The following CPVL variants were observed in gnomAD, a reference collection of about 807,000 sequenced individuals.
CPVL encodes carboxypeptidase vitellogenic like.
CPVL carries 51 observed loss-of-function variants against 63.7 expected under a neutral mutation model. The observed-to-expected ratio is 0.80, with a 90% CI of 0.64 to 1.01. The LOEUF (loss-of-function observed/expected upper bound fraction) is 1.01. Among genes scored for constraint, CPVL ranks in the 50% least tolerant of loss-of-function variants. The pLI, the probability that CPVL is intolerant of heterozygous loss-of-function variation, is 0.00. For synonymous variants in CPVL, 195 were observed against 206.0 expected, an observed-to-expected ratio of 0.95 and a Z score of 0.46; for missense variants, 530 against 573.1, an observed-to-expected ratio of 0.92 and a Z score of 0.77.
At chr7:29,182,324 G>A (rs1257044516) in intron 4 of CPVL, among the ~76,000 whole-genome samples, 1 of 152,172 alleles carries the variant, frequency 6.6e-6, no homozygotes. Flanking sequence ...ATCTGATAGT[G>A]TTCCACCTAC....
intron 12 of CPVL, among the ~76,000 whole-genome samples, chr7:28,999,709 C>A (rs1310799294): frequency 1.3e-5 from 2 of 152,142 alleles, no homozygotes; most frequent in South Asian, 4.1e-4. Context: ...TGTGTAATGA[C>A]CCTAATGGCA....
At position 29,072,819 on chromosome 7, in the gene CPVL, A is replaced by G. The variant is rs548923563; in HGVS notation, c.610-396T>C. Reference sequence around the variant, plus strand: ...TAAAATTAAGATTTCAAAATCTGATAATGCTGCAAATTTTGAAATCAACAT... The same window carrying G: ...TAAAATTAAGATTTCAAAATCTGATGATGCTGCAAATTTTGAAATCAACAT... On this transcript the variant is annotated intron_variant, in intron 7 of 12. Coordinates refer to ENST00000265394, the MANE Select transcript of CPVL (RefSeq NM_031311.5). Among the ~76,000 whole-genome samples the G allele has an allele frequency of 3.9e-5, 6 of 152,352 alleles. No homozygotes were observed. The East Asian group carries it at 7.7e-4, about 20-fold the overall frequency.
chr7:29,058,699 A>G (rs914449307), intron 11 of CPVL, among the ~76,000 whole-genome samples: 1 of 152,090 alleles, frequency 6.6e-6, no homozygotes, highest in African/African-American at 2.4e-5. Context: ...TTCTCTCAAC[A>G]CTTTAAATAT....
chr7:29,165,465 T>G (rs1002349241), intron 5 of CPVL, among the ~76,000 whole-genome samples: 3 of 152,232 alleles, frequency 2.0e-5, no homozygotes, highest in Non-Finnish European at 4.4e-5. Flanking sequence ...CTATACTGGT[T>G]CAAAGAATTT....
At chr7:29,149,000 C>T (rs914774465), upstream of CPVL, among the ~76,000 whole-genome samples, 2 of 152,058 alleles carry the variant, frequency 1.3e-5, no homozygotes, top group African/African-American at 4.8e-5. Context: ...GAGCAGGCCA[C>T]CTGCACTCAG....
At position 29,114,352 on chromosome 7, in the gene CPVL, A is replaced by G. The variant is rs1253929514; in HGVS notation, c.170-1530T>C. Among the ~76,000 whole-genome samples, 4 of 152,298 alleles carry G rather than the reference A, an allele frequency of 2.6e-5. No homozygotes were observed. The East Asian group carries it at 7.7e-4, about 29-fold the overall frequency. ...AGAGAGGTTAAGTGACTTGCCAGCT[A>G]GTAGAGGAGAGCTGGGATTAAACAC... On this transcript the variant is annotated intron_variant, in intron 2 of 12. Coordinates refer to ENST00000265394, the MANE Select transcript of CPVL (RefSeq NM_031311.5).
chr7:29,110,674 A>G (rs532087837), intron 3 of CPVL, among the ~76,000 whole-genome samples: 1 of 152,354 alleles, frequency 6.6e-6, no homozygotes, highest in South Asian at 2.1e-4. Context: ...ATAACTCCCT[A>G]AAGATGTTAG....
intron 5 of CPVL, among the ~76,000 whole-genome samples, chr7:29,164,891 T>G (rs969201797): frequency 6.6e-6 from 1 of 152,150 alleles, no homozygotes. Flanking sequence ...TCTAGAGTGT[T>G]CCATTGATCT....
chr7:29,069,223 T>C (rs1348820837), intron 9 of CPVL, among the ~76,000 whole-genome samples: 1 of 151,158 alleles, frequency 6.6e-6, no homozygotes, highest in Non-Finnish European at 1.5e-5. Flanking sequence ...GCGGATCACT[T>C]GAGGTCCGGA....
At chr7:29,047,411 T>C (rs776147669) in intron 11 of CPVL, among the ~76,000 whole-genome samples, 5 of 152,100 alleles carry the variant, frequency 3.3e-5, no homozygotes, top group Admixed American at 6.5e-5. Flanking sequence ...GTCTCAGCAA[T>C]AGAACTGAAC....
chr7:29,075,519 T>TAAAAAAAAAAAAAAAAAAAAAAAA lies in CPVL; in HGVS notation c.610-3097_610-3096insTTTTTTTTTTTTTTTTTTTTTTTT, dbSNP rs10658501. Among the ~76,000 whole-genome samples the TAAAAAAAAAAAAAAAAAAAAAAAA allele has an allele frequency of 7.8e-5, 10 of 128,978 alleles. 5 individuals carry two copies. Among genetic ancestry groups the TAAAAAAAAAAAAAAAAAAAAAAAA allele is most frequent in the Non-Finnish European group, 6.4e-5 (4 of 62,296 alleles). The allele number at this position is 128,978 out of a possible 152,430, so 84.6% of individuals were successfully genotyped here. A position where few individuals can be genotyped will look rare whatever the true frequency, so the allele number is the denominator to read the frequency against. On this transcript the variant is annotated intron_variant, in intron 7 of 12. Transcript: ENST00000265394. ...TCTTTTCTATTGAGAAGATACTTCT[T>TAAAAAAAAAAAAAAAAAAAAAAAA]AAAAAAAAAAAAAAAAAAGCCATCA... is the stretch of plus-strand genomic sequence containing the variant.
intron 11 of CPVL, among the ~76,000 whole-genome samples, chr7:29,040,230 G>A (rs548925348): frequency 2.0e-5 from 3 of 152,242 alleles, no homozygotes; most frequent in African/African-American, 7.2e-5. Context: ...TTGGACTGAA[G>A]CAATTAGCAT....
chr7:29,157,680 C>T (rs1794597857), intron 5 of CPVL, among the ~76,000 whole-genome samples: 1 of 152,180 alleles, frequency 6.6e-6, no homozygotes, highest in Non-Finnish European at 1.5e-5. Context: ...AATCCTACTC[C>T]CCTTCACCAG....
intron 5 of CPVL, among the ~76,000 whole-genome samples, chr7:29,176,844 T>C (rs245912): frequency 0.59 from 90,012 of 152,084 alleles, 28,170 homozygotes; most frequent in East Asian, 0.79. Flanking sequence ...AGCAACCTCT[T>C]GCTCTTTCAT....
At position 29,066,162 on chromosome 7, in the gene CPVL, C is replaced by T. The variant is rs367862029; in HGVS notation, c.865-41G>A. The T allele has an allele frequency of 9.2e-6, 9 of 974,490 alleles. No individual in the cohort carries two copies. In the Admixed American group the frequency reaches 1.7e-4, roughly 18 times the overall value. The allele number at this position is 974,490 out of a possible 1,614,324, so 60.4% of individuals were successfully genotyped here. On this transcript the variant is annotated intron_variant, in intron 9 of 12. Transcript: ENST00000265394. ...GGGAGAAAGAAAGAAAGAAAGAAAA[C>T]ATCAGTGTGGATAAAAATGTACAGA...
At chr7:29,193,596 G>A (rs995085388) in intron 1 of CPVL, 7 of 152,062 alleles carry the variant, frequency 4.6e-5, no homozygotes, top group Admixed American at 6.5e-5. Context: ...CGATTAGCCC[G>A]CTGGGAGCGT....
At chr7:29,139,544 G>T (rs560594393) in intron 1 of CPVL, among the ~76,000 whole-genome samples, 3 of 151,426 alleles carry the variant, frequency 2.0e-5, no homozygotes, top group African/African-American at 7.3e-5. Flanking sequence ...GGGGGCAGGG[G>T]GGCTACAACA....
intron 2 of CPVL, among the ~76,000 whole-genome samples, chr7:29,116,694 T>TA (rs1379076410): frequency 2.0e-5 from 3 of 152,130 alleles, no homozygotes; most frequent in Admixed American, 6.5e-5. Context: ...GACCTACCAG[T>TA]AAAATAGTCT....
At chr7:29,092,328 C>A (rs765239823) in intron 6 of CPVL, among the ~76,000 whole-genome samples, 3 of 151,926 alleles carry the variant, frequency 2.0e-5, no homozygotes, top group Non-Finnish European at 2.9e-5. Flanking sequence ...AAAGAAGAAT[C>A]CTGAGAAACA....
Sources: allele counts gnomAD v4.1 joint callset (sites outside exome capture counted in the v4.1 genomes callset), GRCh38; gene constraint gnomAD v4.1.1; transcripts MANE v1.5; gene names NCBI Gene and HGNC (gene_info 2026-07-23, HGNC 2026-07-21).